The following SH3KBP1 variants were observed in gnomAD, a reference collection of about 807,000 sequenced individuals.
The protein encoded by SH3KBP1 is SH3 domain-containing kinase-binding protein 1.
SH3KBP1 carries 8 observed loss-of-function variants against 50.1 expected under a neutral mutation model. That is an observed-to-expected ratio of 0.16 (90% confidence interval 0.09 to 0.29). The LOEUF (loss-of-function observed/expected upper bound fraction) is 0.29, where lower values mean the gene tolerates loss of function less well. Ranked by LOEUF, SH3KBP1 falls within the 10% of genes least tolerant of loss-of-function variation. The pLI is 1.00. For synonymous variants in SH3KBP1, 227 were observed against 218.6 expected (o/e 1.04, Z -0.34); for missense variants, 377 against 535.2 (o/e 0.70, Z 2.92).
At chrX:19,655,097 C>T (rs2062238877) in intron 6 of SH3KBP1, among the ~76,000 whole-genome samples, 1 of 112,353 alleles carries the variant, frequency 8.9e-6, no homozygotes, top group Non-Finnish European at 1.9e-5. Flanking sequence ...GTGTGGGACA[C>T]ACAGACTGAC....
intron 16 of SH3KBP1, among the ~76,000 whole-genome samples, chrX:19,539,655 ACAGAGAAAAGC>A (rs771699270): frequency 1.8e-5 from 2 of 112,177 alleles, no homozygotes; most frequent in African/African-American, 3.2e-5. Context: ...AGGGGAATTG[ACAGAGAAAAGC>A]CAGAGAAAAG....
At chrX:19,660,120 G>A (rs1328999606) in intron 6 of SH3KBP1, among the ~76,000 whole-genome samples, 2 of 112,566 alleles carry the variant, frequency 1.8e-5, no homozygotes, top group East Asian at 2.8e-4. Context: ...GCACCTAGTG[G>A]TAAGACTGAA....
At chrX:19,696,186 C>T (rs762179843) in intron 4 of SH3KBP1, among the ~76,000 whole-genome samples, 8 of 111,549 alleles carry the variant, frequency 7.2e-5, no homozygotes, top group South Asian at 3.7e-4. Context: ...TACTGGGAGA[C>T]CTTTGCTATT....
intron 2 of SH3KBP1, among the ~76,000 whole-genome samples, chrX:19,786,331 A>G (rs1485309109): frequency 9.0e-6 from 1 of 111,503 alleles, no homozygotes; most frequent in Non-Finnish European, 1.9e-5. Flanking sequence ...ACAAAGCAGC[A>G]TTGGCCAGCA....
At chrX:19,727,763 A>G (rs1327973008) in intron 3 of SH3KBP1, among the ~76,000 whole-genome samples, 3 of 112,437 alleles carry the variant, frequency 2.7e-5, no homozygotes, top group African/African-American at 9.7e-5. Flanking sequence ...AGGCAGGCAG[A>G]TCACAAGGTC....
intron 3 of SH3KBP1, among the ~76,000 whole-genome samples, chrX:19,722,294 T>G (rs1303608424): frequency 9.0e-6 from 1 of 111,568 alleles, no homozygotes; most frequent in East Asian, 2.8e-4. Context: ...CTGAGCTCAA[T>G]GCCCATGATT....
intron 1 of SH3KBP1, among the ~76,000 whole-genome samples, chrX:19,859,910 G>T (rs1157427791): frequency 9.0e-6 from 1 of 111,116 alleles, no homozygotes; most frequent in Non-Finnish European, 1.9e-5. Flanking sequence ...ACAAAATAGT[G>T]CCTTTTTCTG....
intron 8 of SH3KBP1, among the ~76,000 whole-genome samples, chrX:19,612,027 C>CACAGGGT (rs1417466509): frequency 9.5e-6 from 1 of 105,155 alleles, no homozygotes; most frequent in East Asian, 2.9e-4. Context: ...AGAAAGTGGG[C>CACAGGGT]ACAGGGTCAG....
At chrX:19,588,239 G>A (rs2147972354) in intron 12 of SH3KBP1, 1 of 728,176 alleles carries the variant, frequency 1.4e-6, no homozygotes, top group African/African-American at 2.2e-5. Context: ...GAGGGTCAGG[G>A]GTCGTAGCCA....
intron 1 of SH3KBP1, among the ~76,000 whole-genome samples, chrX:19,840,856 T>C (rs1473392086): frequency 8.9e-6 from 1 of 112,091 alleles, no homozygotes; most frequent in Non-Finnish European, 1.9e-5. Context: ...AACATCTCCC[T>C]GTCAGAAAAA....
chrX:19,884,276 G>A (rs1197549092), intron 1 of SH3KBP1, among the ~76,000 whole-genome samples: 1 of 112,905 alleles, frequency 8.9e-6, no homozygotes, highest in East Asian at 2.8e-4. Flanking sequence ...TCATGTCTCT[G>A]TTCTGCACCT....
chrX:19,884,237 G>C (rs913030850), intron 1 of SH3KBP1, among the ~76,000 whole-genome samples: 3 of 112,833 alleles, frequency 2.7e-5, no homozygotes, highest in African/African-American at 9.7e-5. Flanking sequence ...ATTCAAGTCA[G>C]CCTTCATTAG....
At chrX:19,752,186 G>C (rs1378829503) in intron 2 of SH3KBP1, among the ~76,000 whole-genome samples, 1 of 112,034 alleles carries the variant, frequency 8.9e-6, no homozygotes, top group Non-Finnish European at 1.9e-5. Flanking sequence ...GATGAATGGA[G>C]AATGATGCTG....
At position 19,725,231 on chromosome X, in the gene SH3KBP1, T is replaced by C. The variant is rs776207882; in HGVS notation, c.287-18247A>G. 2.8e-5 allele frequency among the ~76,000 whole-genome samples: 3 copies of C among 105,981 alleles called. No individual in the cohort carries two copies. In the South Asian group the frequency reaches 1.3e-3, roughly 46 times the overall value. The allele number at this position is 105,981 out of a possible 115,157, so 92.0% of individuals were successfully genotyped here. On this transcript the variant is annotated intron_variant, in intron 3 of 17. Coordinates refer to ENST00000397821, the MANE Select transcript of SH3KBP1 (RefSeq NM_031892.3). ...ACTTTGGGAGGTTGAGGCAGGCAGATTGCTTGAGACCAGGAGTTTGAACCC... is the reference window on the plus strand; with the variant it reads ...ACTTTGGGAGGTTGAGGCAGGCAGACTGCTTGAGACCAGGAGTTTGAACCC...
chrX:19,693,719 T>C (rs943616665), intron 5 of SH3KBP1, among the ~76,000 whole-genome samples: 1 of 111,963 alleles, frequency 8.9e-6, no homozygotes, highest in African/African-American at 3.3e-5. Context: ...CAGCACCATA[T>C]GCCTTTAGCT....
At chrX:19,816,869 G>A (rs967501942) in intron 2 of SH3KBP1, among the ~76,000 whole-genome samples, 2 of 111,677 alleles carry the variant, frequency 1.8e-5, no homozygotes, top group Admixed American at 9.5e-5. Context: ...CAAAATGTTT[G>A]CCTATGTTTA....
At chrX:19,798,095 T>C (rs1461962561) in intron 2 of SH3KBP1, among the ~76,000 whole-genome samples, 1 of 111,165 alleles carries the variant, frequency 9.0e-6, no homozygotes, top group African/African-American at 3.3e-5. Flanking sequence ...TTTATTTTTA[T>C]TTTTTTGACA....
intron 6 of SH3KBP1, among the ~76,000 whole-genome samples, chrX:19,663,076 A>G (rs1252963121): frequency 9.0e-6 from 1 of 111,192 alleles, no homozygotes; most frequent in African/African-American, 3.3e-5. Flanking sequence ...GGCAAATTAA[A>G]TCCTCATTAT....
At chrX:19,760,448 A>T (rs2065385974) in intron 2 of SH3KBP1, among the ~76,000 whole-genome samples, 1 of 107,327 alleles carries the variant, frequency 9.3e-6, no homozygotes, top group East Asian at 2.9e-4. Context: ...ATACATACAT[A>T]CTGGAAGGTA....
Sources: gnomAD v4.1 joint callset for allele counts (sites outside exome capture counted in the v4.1 genomes callset) on GRCh38, gnomAD v4.1.1 for gene constraint, MANE v1.5 for transcripts, NCBI Gene and HGNC (gene_info 2026-07-23, HGNC 2026-07-21) for gene names.